The following PAM variants were observed in gnomAD, a reference collection of about 807,000 sequenced individuals.
PAM encodes the protein peptidylglycine alpha-amidating monooxygenase.
In PAM, 72 loss-of-function variants were observed where a neutral mutation model predicts 122.1. The observed-to-expected ratio is 0.59, with a 90% CI of 0.49 to 0.72. The LOEUF (loss-of-function observed/expected upper bound fraction) is 0.72, where lower values mean the gene tolerates loss of function less well. PAM is among the 30% of genes least tolerant of loss of function. PAM has a pLI of 0.00. For missense variants in PAM, 1,106 were observed against 1,183.7 expected (o/e 0.93, Z 0.96); for synonymous variants, 389 against 404.4 (o/e 0.96, Z 0.46).
chr5:102,784,877 G>T (rs1430374535), intron 1 of PAM, among the ~76,000 whole-genome samples: 3 of 152,184 alleles, frequency 2.0e-5, no homozygotes, highest in Non-Finnish European at 4.4e-5. Context: ...CAGGTGAGTG[G>T]TCTTAAATGC....
At chr5:102,790,770 AATT>A (rs762101901) in intron 1 of PAM, among the ~76,000 whole-genome samples, 6 of 152,156 alleles carry the variant, frequency 3.9e-5, no homozygotes, top group Non-Finnish European at 7.4e-5. Context: ...TTTTCTGAGC[AATT>A]ATATTTCCCC....
chr5:103,005,094 TTC>T, intron 17 of PAM, 58 bp from the exon 18 acceptor site: 1 of 935,626 alleles, frequency 1.1e-6, no homozygotes, highest in Non-Finnish European at 1.8e-6. Flanking sequence ...TTAGAAAAAT[TTC>T]TGTCACATAT....
chr5:102,874,533 T>C (rs1788539449), intron 3 of PAM, among the ~76,000 whole-genome samples: 2 of 151,952 alleles, frequency 1.3e-5, no homozygotes, highest in Admixed American at 6.6e-5. Flanking sequence ...TGAGTATACA[T>C]TGACCATTTT....
intron 7 of PAM, among the ~76,000 whole-genome samples, chr5:102,929,521 T>C (rs1237579975): frequency 1.3e-5 from 2 of 152,216 alleles, no homozygotes; most frequent in African/African-American, 4.8e-5. Flanking sequence ...TTAAAGTATA[T>C]AAATTGTAAA....
At chr5:102,780,497 A>G (rs2149851877) in intron 1 of PAM, among the ~76,000 whole-genome samples, 1 of 152,244 alleles carries the variant, frequency 6.6e-6, no homozygotes, top group Non-Finnish European at 1.5e-5. Context: ...CATCATAAAG[A>G]CATTTATTAC....
At chr5:102,891,112 T>C (rs1303281420) in intron 3 of PAM, among the ~76,000 whole-genome samples, 1 of 151,890 alleles carries the variant, frequency 6.6e-6, no homozygotes, top group East Asian at 1.9e-4. Flanking sequence ...GATCAAATCC[T>C]TTATAAAAGG....
chr5:102,999,426 G>C (rs1776689765), intron 16 of PAM, among the ~76,000 whole-genome samples: 1 of 152,198 alleles, frequency 6.6e-6, no homozygotes, highest in Admixed American at 6.5e-5. Context: ...CCAGGCACAT[G>C]GTGCAAGCCG....
intron 1 of PAM, among the ~76,000 whole-genome samples, chr5:102,800,594 A>G (rs559091718): frequency 6.6e-6 from 1 of 152,278 alleles, no homozygotes; most frequent in East Asian, 1.9e-4. Context: ...GCTGGGATTT[A>G]GGTCCCATGC....
intron 3 of PAM, among the ~76,000 whole-genome samples, chr5:102,884,465 A>G (rs1314911108): frequency 6.6e-6 from 1 of 151,874 alleles, no homozygotes; most frequent in African/African-American, 2.4e-5. Context: ...TTGGAAACAA[A>G]TAGATCCAGA....
intron 1 of PAM, among the ~76,000 whole-genome samples, chr5:102,812,245 A>C (rs1768142775): frequency 6.6e-6 from 1 of 152,230 alleles, no homozygotes; most frequent in Admixed American, 6.5e-5. Context: ...TGAGGGCAAC[A>C]GCTGCAAAAA....
At chr5:102,839,868 G>GA (rs1778122353) in intron 1 of PAM, among the ~76,000 whole-genome samples, 1 of 152,114 alleles carries the variant, frequency 6.6e-6, no homozygotes, top group South Asian at 2.1e-4. Flanking sequence ...ACTAGGAATA[G>GA]AAAGAACTTT....
At chr5:102,832,920 A>C (rs190695934) in intron 1 of PAM, among the ~76,000 whole-genome samples, 1 of 152,308 alleles carries the variant, frequency 6.6e-6, no homozygotes, top group Non-Finnish European at 1.5e-5. Context: ...ACCTTGAAAC[A>C]ATTAAAATCA....
Position 102,974,359 on chromosome 5 carries a change from G to T in PAM, c.1406G>T (p.Arg469Met). Residue 469 changes from arginine to methionine, a missense_variant, in exon 15 of 26, where the codon AGG (arginine) becomes ATG (methionine). Coordinates refer to ENST00000438793, the MANE Select transcript of PAM (RefSeq NM_001177306.2). ...TTCCACAGACTAGTATCTACCTTGA[G>T]GCCACCAGAGAGCAGAGTTTTCTCA... ...HKFHRLVSTL[R>M]PPESRVFSLQ... is the part of the protein sequence containing the mutation. The T allele has an allele frequency of 1.9e-6, 3 of 1,614,040 alleles. No individual in the cohort carries two copies. The highest frequency in any genetic ancestry group is 2.5e-6 in the Non-Finnish European group (3 of 1,179,948).
At chr5:102,769,254 C>T (rs1755046951) in intron 1 of PAM, among the ~76,000 whole-genome samples, 1 of 151,944 alleles carries the variant, frequency 6.6e-6, no homozygotes, top group Non-Finnish European at 1.5e-5. Context: ...GGTTACTAAT[C>T]CTTTGTCAGA....
chr5:102,836,470 G>T (rs1361758194), intron 1 of PAM, among the ~76,000 whole-genome samples: 1 of 152,100 alleles, frequency 6.6e-6, no homozygotes, highest in Non-Finnish European at 1.5e-5. Flanking sequence ...GCCTCAAGCA[G>T]TGCTCCTACC....
At chr5:102,795,579 C>T (rs928037040) in intron 1 of PAM, among the ~76,000 whole-genome samples, 14 of 152,042 alleles carry the variant, frequency 9.2e-5, no homozygotes, top group Non-Finnish European at 4.4e-5. Context: ...TAATGGCTAC[C>T]CTTTTGACAA....
intron 3 of PAM, among the ~76,000 whole-genome samples, chr5:102,868,436 C>T (rs1056892578): frequency 1.3e-5 from 2 of 152,152 alleles, no homozygotes; most frequent in Non-Finnish European, 2.9e-5. Context: ...TAACTAACTA[C>T]CACTGTAAAA....
intron 15 of PAM, chr5:102,987,584 C>A: frequency 2.2e-6 from 1 of 452,900 alleles, no homozygotes; most frequent in Non-Finnish European, 4.4e-6. Flanking sequence ...GATGTATATT[C>A]TAAATACCCT....
chr5:102,814,912 CCT>C lies in PAM; in HGVS notation c.-373-50908_-373-50907del, dbSNP rs1293768531. On this transcript the variant is annotated intron_variant, in intron 1 of 25. Transcript: ENST00000438793. ...TGTTCTTTCTGTGATAGAGTTTTCCCCTCTTTCTTATACAAATCCATGTGTGC... is the reference window on the plus strand; with the variant it reads ...TGTTCTTTCTGTGATAGAGTTTTCCCCTTTCTTATACAAATCCATGTGTGC... Among the ~76,000 whole-genome samples, 9 of 151,832 alleles carry C rather than the reference CCT, an allele frequency of 5.9e-5. No individual in the cohort carries two copies. In the South Asian group the frequency reaches 6.3e-4, roughly 11 times the overall value.
Sources: allele counts gnomAD v4.1 joint callset (sites outside exome capture counted in the v4.1 genomes callset), GRCh38; gene constraint gnomAD v4.1.1; transcripts MANE v1.5; gene names NCBI Gene and HGNC (gene_info 2026-07-23, HGNC 2026-07-21).